Variants in AKR1C3 observed in about 807,000 individuals in gnomAD.
The protein encoded by AKR1C3 is 3-alpha hydroxysteroid dehydrogenase, type II.
A neutral mutation model predicts 43.6 loss-of-function variants in AKR1C3; 48 were observed. The observed-to-expected ratio is 1.10, with a 90% CI of 0.87 to 1.40. The LOEUF is 1.40. Among genes scored for constraint, AKR1C3 ranks in the 40% most tolerant of loss-of-function variants. The pLI is 0.00. For synonymous variants in AKR1C3, 162 were observed against 139.6 expected, an observed-to-expected ratio of 1.16 and a Z score of -1.13; for missense variants, 482 against 391.2, an observed-to-expected ratio of 1.23 and a Z score of -1.96.
chr10:5,068,537 A>G (rs1178921138), intron 1 of AKR1C3, among the ~76,000 whole-genome samples: 2 of 151,558 alleles, frequency 1.3e-5, no homozygotes, highest in African/African-American at 4.8e-5. Context: ...ACATTTTACT[A>G]TTCTTACACA....
intron 5 of AKR1C3, 123 bp from the exon 6 acceptor site, chr10:5,101,975 CAAT>C (rs1430712299): frequency 1.3e-5 from 8 of 613,670 alleles, no homozygotes; most frequent in Non-Finnish European, 2.0e-5. Flanking sequence ...TATTACTTGA[CAAT>C]AATATCCTCA....
In AKR1C3 at chr10:5,096,493, T is replaced by C; in HGVS notation, c.168T>C (p.Asn56=). The part of the protein sequence containing the change: ...FRHIDSAHLY[N]NEEQVGLAIR... Reference sequence around the variant, plus strand: ...ATATAGATTCTGCTCATTTATACAATAATGAGGAGCAGGTTGGACTGGCCA... The same window carrying C: ...ATATAGATTCTGCTCATTTATACAACAATGAGGAGCAGGTTGGACTGGCCA... Residue 56 remains asparagine, a synonymous_variant, in exon 2 of 9, where the codon AAT becomes AAC. Transcript: ENST00000380554. 1 of 1,613,570 alleles carries C rather than the reference T, an allele frequency of 6.2e-7. No homozygotes were observed. The highest frequency in any genetic ancestry group is 8.5e-7 in the Non-Finnish European group (1 of 1,179,760).
At chr10:5,094,352 C>A, upstream of AKR1C3, 4 of 1,413,866 alleles carry the variant, frequency 2.8e-6, no homozygotes, top group Non-Finnish European at 2.8e-6. Context: ...AGTCAGTTTG[C>A]AGGGGTGGGG....
chr10:5,096,360 A>G, intron 1 of AKR1C3, 50 bp from the exon 2 acceptor site: 1 of 1,578,258 alleles, frequency 6.3e-7, no homozygotes, highest in Non-Finnish European at 8.6e-7. Flanking sequence ...TGCCTGAACT[A>G]CCTCTCAGCC....
chr10:5,097,409 C>G (rs754732117), intron 2 of AKR1C3, 25 bp from the exon 3 acceptor site: 1 of 1,607,820 alleles, frequency 6.2e-7, no homozygotes, highest in Non-Finnish European at 8.5e-7. Flanking sequence ...CATTCAAAAT[C>G]ACCTCCATTC....
At chr10:5,052,480 G>A (rs575267063) in intron 1 of AKR1C3, among the ~76,000 whole-genome samples, 1 of 147,854 alleles carries the variant, frequency 6.8e-6, no homozygotes, top group Admixed American at 6.6e-5. Flanking sequence ...TGATTGGTCT[G>A]TTTTACAGAG....
chr10:5,080,850 G>C (rs1352998866), intron 1 of AKR1C3: 1 of 152,194 alleles, frequency 6.6e-6, no homozygotes, highest in Non-Finnish European at 1.5e-5. Flanking sequence ...CAAAATAGCG[G>C]GAGTTGCCAC....
At chr10:5,105,804 T>C in intron 8 of AKR1C3, 127 bp downstream of exon 8, 1 of 712,556 alleles carries the variant, frequency 1.4e-6, no homozygotes, top group East Asian at 2.8e-5. Flanking sequence ...ACTGGAACTC[T>C]CCTGCTGGAT....
At chr10:5,100,940 C>A (rs1376900171) in intron 5 of AKR1C3, among the ~76,000 whole-genome samples, 1 of 152,144 alleles carries the variant, frequency 6.6e-6, no homozygotes, top group African/African-American at 2.4e-5. Context: ...TTTTCAAAAT[C>A]TCTTTAAAAT....
At chr10:5,061,003 C>T (rs995347045) in intron 1 of AKR1C3, among the ~76,000 whole-genome samples, 1 of 152,222 alleles carries the variant, frequency 6.6e-6, no homozygotes, top group African/African-American at 2.4e-5. Context: ...CGCACAGCCC[C>T]AGTTCCCTCC....
At chr10:5,057,628 G>A (rs139055134) in intron 1 of AKR1C3, among the ~76,000 whole-genome samples, 2 of 152,144 alleles carry the variant, frequency 1.3e-5, no homozygotes, top group African/African-American at 4.8e-5. Flanking sequence ...TAATTCATGT[G>A]CTTTTTTCTA....
upstream of AKR1C3, among the ~76,000 whole-genome samples, chr10:5,092,064 G>T (rs200930668): frequency 1.0e-5 from 1 of 98,326 alleles, no homozygotes; most frequent in Non-Finnish European, 2.1e-5. Context: ...GCCAAATATA[G>T]ATTTGTTGGT....
intron 5 of AKR1C3, among the ~76,000 whole-genome samples, chr10:5,101,542 T>C (rs963490660): frequency 6.6e-6 from 1 of 152,220 alleles, no homozygotes; most frequent in Non-Finnish European, 1.5e-5. Context: ...GGCAAATTAT[T>C]TTGTTCTTTC....
intron 1 of AKR1C3, among the ~76,000 whole-genome samples, chr10:5,058,226 T>G (rs956696788): frequency 1.3e-5 from 2 of 152,130 alleles, no homozygotes; most frequent in African/African-American, 4.8e-5. Context: ...GGATGTAAAT[T>G]GTAAGCTTTG....
chr10:5,071,102 T>C (rs141027939), intron 1 of AKR1C3, among the ~76,000 whole-genome samples: 105 of 152,348 alleles, frequency 6.9e-4, no homozygotes, highest in African/African-American at 2.4e-3. Flanking sequence ...CAGAGAATTA[T>C]ATGGCTGTAT....
At chr10:5,090,231 T>A (rs1839060020), upstream of AKR1C3, among the ~76,000 whole-genome samples, 1 of 152,108 alleles carries the variant, frequency 6.6e-6, no homozygotes, top group African/African-American at 2.4e-5. Flanking sequence ...CTGGAGTAGC[T>A]TAATTACCTG....
At chr10:5,101,072 G>A (rs551871839) in intron 5 of AKR1C3, among the ~76,000 whole-genome samples, 27 of 152,258 alleles carry the variant, frequency 1.8e-4, no homozygotes, top group East Asian at 9.6e-4. Flanking sequence ...ATGCCCTCAT[G>A]TCGTTTAACA....
At chr10:5,085,042 T>C (rs1385317777) in intron 1 of AKR1C3, among the ~76,000 whole-genome samples, 5 of 152,154 alleles carry the variant, frequency 3.3e-5, no homozygotes, top group Non-Finnish European at 4.4e-5. Context: ...ATTTGACTTC[T>C]TCTTTTCCTA....
At chr10:5,068,924 C>G (rs782490604) in intron 1 of AKR1C3, among the ~76,000 whole-genome samples, 8 of 152,164 alleles carry the variant, frequency 5.3e-5, no homozygotes, top group Non-Finnish European at 8.8e-5. Context: ...ATTTAGCAAA[C>G]CTAATATTTG....
Sources: gnomAD v4.1 joint callset for allele counts (sites outside exome capture counted in the v4.1 genomes callset) on GRCh38, gnomAD v4.1.1 for gene constraint, MANE v1.5 for transcripts, NCBI Gene and HGNC (gene_info 2026-07-23, HGNC 2026-07-21) for gene names.